IFT43: variants seen among roughly 807,000 people sequenced by gnomAD.
IFT43 encodes the protein intraflagellar transport 43.
In IFT43, 33 loss-of-function variants were observed where a neutral mutation model predicts 32.3. That is an observed-to-expected ratio of 1.02 (90% CI 0.77 to 1.37). The LOEUF (loss-of-function observed/expected upper bound fraction) is 1.37, where lower values mean the gene tolerates loss of function less well. IFT43 is among the 40% of genes most tolerant of loss of function. The pLI is 0.00. For synonymous variants in IFT43, 93 were observed against 98.2 expected (o/e 0.95, Z 0.31); for missense variants, 274 against 265.9 (o/e 1.03, Z -0.21).
At chr14:76,017,743 G>T (rs1385205720) in intron 2 of IFT43, among the ~76,000 whole-genome samples, 2 of 152,076 alleles carry the variant, frequency 1.3e-5, no homozygotes, top group East Asian at 1.9e-4. Context: ...TTAGTGGTCT[G>T]TTCAGGTTTT....
intron 2 of IFT43, among the ~76,000 whole-genome samples, chr14:76,020,268 C>T (rs562429682): frequency 1.1e-4 from 16 of 152,292 alleles, no homozygotes; most frequent in South Asian, 2.1e-4. Context: ...CCACCGCACC[C>T]GGCCTTCTTT....
intron 5 of IFT43, among the ~76,000 whole-genome samples, chr14:76,067,310 A>G (rs1298536461): frequency 2.0e-5 from 3 of 152,196 alleles, no homozygotes; most frequent in African/African-American, 7.2e-5. Flanking sequence ...TCACGCCTGT[A>G]ATCTCAGCAC....
chr14:76,077,664 A>G (rs191931414), intron 5 of IFT43, among the ~76,000 whole-genome samples: 81 of 152,260 alleles, frequency 5.3e-4, no homozygotes, highest in Non-Finnish European at 9.9e-4. Context: ...TGCTTGTTAG[A>G]TTCAGAAGTG....
chr14:76,011,222 T>G (rs926737262), intron 2 of IFT43, among the ~76,000 whole-genome samples: 92 of 152,272 alleles, frequency 6.0e-4, no homozygotes, highest in African/African-American at 2.1e-3. Context: ...CTCCTCTCTT[T>G]TTAACGGCAT....
In IFT43 at chr14:76,022,248, C is replaced by T. The variant is rs1010636839; in HGVS notation, c.148-79C>T. 7 of 1,341,884 alleles carry T rather than the reference C, an allele frequency of 5.2e-6. No homozygotes were observed. In the African/African-American group the frequency reaches 8.7e-5, roughly 17 times the overall value. The allele number at this position is 1,341,884 out of a possible 1,614,324, so 83.1% of individuals were successfully genotyped here. The stretch of plus-strand genomic sequence containing the variant: ...CCTGGGTGACAGAGTGAGATTTCAT[C>T]TCAAAAAATAGAAAATAAAAAATAA... On this transcript the variant is annotated intron_variant, in intron 2 of 8. Transcript: ENST00000314067.
chr14:76,017,272 A>G (rs926620633), intron 2 of IFT43, among the ~76,000 whole-genome samples: 4 of 152,118 alleles, frequency 2.6e-5, no homozygotes, highest in Non-Finnish European at 5.9e-5. Context: ...ATGTTCAATC[A>G]TATCAAATGC....
downstream of IFT43, chr14:76,083,853 T>G (rs1185584234): frequency 6.8e-6 from 4 of 585,690 alleles, no homozygotes; most frequent in Middle Eastern, 4.6e-4. Flanking sequence ...TTGCGGAGCA[T>G]GTGGGAGAGT....
At chr14:76,038,697 G>A (rs866022322) in intron 3 of IFT43, among the ~76,000 whole-genome samples, 20 of 152,278 alleles carry the variant, frequency 1.3e-4, no homozygotes, top group Middle Eastern at 3.4e-3. Context: ...TGTGTACATC[G>A]AAATAACTAG....
intron 5 of IFT43, among the ~76,000 whole-genome samples, chr14:76,068,483 C>G (rs1328760684): frequency 6.6e-6 from 1 of 152,188 alleles, no homozygotes; most frequent in African/African-American, 2.4e-5. Flanking sequence ...CTATAGCTGA[C>G]ACAATGCTTC....
At chr14:76,033,546 G>A (rs1259827672) in intron 3 of IFT43, among the ~76,000 whole-genome samples, 1 of 152,162 alleles carries the variant, frequency 6.6e-6, no homozygotes, top group Non-Finnish European at 1.5e-5. Context: ...AAAGTGGGAA[G>A]ACAGACTGAC....
intron 3 of IFT43, among the ~76,000 whole-genome samples, chr14:76,027,507 A>G (rs1196068474): frequency 6.6e-6 from 1 of 152,284 alleles, no homozygotes; most frequent in Admixed American, 6.5e-5. Flanking sequence ...CAGGAGATCG[A>G]GACCATCCTG....
At chr14:76,049,195 A>G (rs939350973) in intron 3 of IFT43, among the ~76,000 whole-genome samples, 7 of 152,216 alleles carry the variant, frequency 4.6e-5, no homozygotes, top group African/African-American at 1.7e-4. Flanking sequence ...CACCACATCC[A>G]GTCTCGTTTA....
At chr14:75,990,221 T>C (rs945209500) in intron 2 of IFT43, among the ~76,000 whole-genome samples, 2 of 152,228 alleles carry the variant, frequency 1.3e-5, no homozygotes, top group Non-Finnish European at 2.9e-5. Context: ...TTGCCAGATA[T>C]GATTCTTCAA....
In IFT43 at chr14:76,040,580, C is replaced by T. The variant is rs541739405; in HGVS notation, c.216-18062C>T. 5.3e-5 allele frequency among the ~76,000 whole-genome samples: 8 copies of T among 152,312 alleles called. No homozygotes were observed. In the South Asian group the frequency reaches 1.7e-3, roughly 32 times the overall value. On this transcript the variant is annotated intron_variant, in intron 3 of 8. Coordinates refer to ENST00000314067, the MANE Select transcript of IFT43 (RefSeq NM_001102564.3). ...AAGCAGAGATGTTCTAGGTTATGTT[C>T]ATTGCAGTTTAAGGCCTCGGATGGC...
At chr14:76,060,490 A>G (rs1259944471) in intron 5 of IFT43, among the ~76,000 whole-genome samples, 2 of 151,514 alleles carry the variant, frequency 1.3e-5, no homozygotes, top group African/African-American at 4.8e-5. Context: ...AAGTGCTGAG[A>G]TTACAGCCGT....
intron 2 of IFT43, among the ~76,000 whole-genome samples, chr14:76,017,963 G>A (rs1369671503): frequency 1.3e-5 from 2 of 151,688 alleles, no homozygotes; most frequent in African/African-American, 4.8e-5. Context: ...GGTCTAGCTA[G>A]CAGTTTACTA....
At chr14:76,024,245 A>G (rs899246548) in intron 3 of IFT43, among the ~76,000 whole-genome samples, 1 of 152,204 alleles carries the variant, frequency 6.6e-6, no homozygotes, top group Non-Finnish European at 1.5e-5. Flanking sequence ...TGGTTTCAGA[A>G]TTACCTTGTT....
chr14:76,040,506 C>T (rs2036687267), intron 3 of IFT43, among the ~76,000 whole-genome samples: 2 of 152,152 alleles, frequency 1.3e-5, no homozygotes, highest in Non-Finnish European at 2.9e-5. Flanking sequence ...TGGGTGAGCA[C>T]TTTCATGCAC....
rs553717483 is a variant in IFT43, at chr14:76,075,220, C to T, written c.296-7075C>T. ...TGCAGCATGGCTCCGTAGCCACTGT[C>T]GCAGTTTTCAGACTCTTTTTCTCCT... is the stretch of plus-strand genomic sequence containing the variant. On this transcript the variant is annotated intron_variant, in intron 5 of 8. Transcript: ENST00000314067. 1.4e-4 allele frequency among the ~76,000 whole-genome samples: 21 copies of T among 152,344 alleles called. No homozygotes were observed. The South Asian group carries it at 3.5e-3, about 26-fold the overall frequency.
Sources: allele counts gnomAD v4.1 joint callset (sites outside exome capture counted in the v4.1 genomes callset), GRCh38; gene constraint gnomAD v4.1.1; transcripts MANE v1.5; gene names NCBI Gene and HGNC (gene_info 2026-07-23, HGNC 2026-07-21).